Variants in LRRC63 observed in about 807,000 individuals in gnomAD.
LRRC63 encodes the protein leucine-rich repeat-containing protein 63.
LRRC63 carries 40 observed loss-of-function variants against 49.5 expected under a neutral mutation model. That is an observed-to-expected ratio of 0.81 (90% confidence interval 0.63 to 1.05). The LOEUF is 1.05. Among genes scored for constraint, LRRC63 ranks in the 50% least tolerant of loss-of-function variants. The pLI, the probability that LRRC63 is intolerant of heterozygous loss-of-function variation, is 0.00. For missense variants in LRRC63, 636 were observed against 663.1 expected (o/e 0.96, Z 0.45); for synonymous variants, 191 against 221.1 (o/e 0.86, Z 1.21).
intron 2 of LRRC63, among the ~76,000 whole-genome samples, chr13:46,217,526 G>C (rs2046286352): frequency 6.6e-6 from 1 of 151,470 alleles, no homozygotes; most frequent in African/African-American, 2.4e-5. Flanking sequence ...TCTGGCTAGT[G>C]GTCTATTTTG....
intron 7 of LRRC63, among the ~76,000 whole-genome samples, chr13:46,256,244 C>A (rs2047508645): frequency 6.6e-6 from 1 of 152,060 alleles, no homozygotes; most frequent in Non-Finnish European, 1.5e-5. Flanking sequence ...TTAAGAAGGA[C>A]AAAGACAGTA....
At chr13:46,233,181 T>G (rs1012095401) in intron 4 of LRRC63, among the ~76,000 whole-genome samples, 1 of 152,160 alleles carries the variant, frequency 6.6e-6, no homozygotes, top group Non-Finnish European at 1.5e-5. Context: ...TCTTGAGAGA[T>G]CACATCCTCT....
At chr13:46,215,276 T>A (rs1293166299) in intron 2 of LRRC63, among the ~76,000 whole-genome samples, 3 of 152,242 alleles carry the variant, frequency 2.0e-5, no homozygotes, top group South Asian at 4.1e-4. Context: ...CAGCATCTAT[T>A]GTTTCCTGAC....
In LRRC63 at chr13:46,234,310, A is replaced by G. The variant is rs1283111993; in HGVS notation, c.951A>G (p.Val317=). The change falls in exon 5 of 10, where the codon GTA becomes GTG. Residue 317 remains valine (V), a synonymous_variant. Transcript: ENST00000595396. ...CAGCCATGACCAACCTGGCCATAGT[A>G]AACTGTCAAGTATATGGGAGAAATG... 1.9e-6 allele frequency: 3 copies of G among 1,550,152 alleles called. No homozygotes were observed. The African/African-American group carries it at 4.1e-5, about 21-fold the overall frequency.
intron 4 of LRRC63, among the ~76,000 whole-genome samples, chr13:46,231,396 G>C (rs996649538): frequency 7.9e-5 from 12 of 152,188 alleles, no homozygotes; most frequent in Admixed American, 7.9e-4. Flanking sequence ...TTGGCTTTTG[G>C]GGAGGCCTCA....
intron 8 of LRRC63, among the ~76,000 whole-genome samples, chr13:46,266,343 A>G (rs1057006028): frequency 1.3e-5 from 2 of 152,226 alleles, no homozygotes; most frequent in African/African-American, 4.8e-5. Context: ...AAATTTCACT[A>G]TTTTGATTGG....
intron 9 of LRRC63, chr13:46,270,027 A>T: frequency 2.1e-6 from 1 of 472,512 alleles, no homozygotes; most frequent in Non-Finnish European, 3.9e-6. Context: ...CTATACATGC[A>T]TATCTATAAT....
chr13:46,253,257 G>C (rs1299078030), intron 7 of LRRC63, among the ~76,000 whole-genome samples: 1 of 151,910 alleles, frequency 6.6e-6, no homozygotes, highest in Non-Finnish European at 1.5e-5. Context: ...TCTAGTTAGA[G>C]TGAAACAATT....
At chr13:46,224,743 T>C (rs1410430596) in intron 2 of LRRC63, among the ~76,000 whole-genome samples, 1 of 152,234 alleles carries the variant, frequency 6.6e-6, no homozygotes, top group Non-Finnish European at 1.5e-5. Flanking sequence ...TTTCTGAAGA[T>C]GTATCTGTGG....
intron 7 of LRRC63, among the ~76,000 whole-genome samples, chr13:46,255,951 GA>G (rs1829034811): frequency 6.6e-6 from 1 of 152,050 alleles, no homozygotes; most frequent in Non-Finnish European, 1.5e-5. Context: ...TATAAAAGTT[GA>G]TTGATACAAC....
intron 5 of LRRC63, among the ~76,000 whole-genome samples, chr13:46,244,767 C>G (rs2047166384): frequency 6.6e-6 from 1 of 151,894 alleles, no homozygotes; most frequent in South Asian, 2.1e-4. Context: ...GAGACCTTGT[C>G]TCTAAAAAAA....
At chr13:46,261,103 G>A (rs2047606713) in intron 7 of LRRC63, among the ~76,000 whole-genome samples, 1 of 152,148 alleles carries the variant, frequency 6.6e-6, no homozygotes, top group South Asian at 2.1e-4. Flanking sequence ...CAGGGCTTCT[G>A]ACAGCACAAC....
chr13:46,236,322 C>T (rs2046903090), intron 5 of LRRC63, among the ~76,000 whole-genome samples: 1 of 152,034 alleles, frequency 6.6e-6, no homozygotes, highest in Non-Finnish European at 1.5e-5. Flanking sequence ...ATCCAGGAAG[C>T]TCAATCAACT....
At position 46,266,990 on chromosome 13, in the gene LRRC63, C is replaced by A; in HGVS notation, c.1550+18C>A. On this transcript the variant is annotated intron_variant, in intron 9 of 9. Coordinates refer to ENST00000595396, the Ensembl canonical transcript of LRRC63. Reference sequence around the variant, plus strand: ...CTAAAATGGTGAGCAAATGCTGAAGCCCTTTTAACCAAAATATACCTTTAA... The same window carrying A: ...CTAAAATGGTGAGCAAATGCTGAAGACCTTTTAACCAAAATATACCTTTAA... The A allele has an allele frequency of 6.6e-7, 1 of 1,505,062 alleles. No homozygotes were observed. 93.2% of individuals were successfully genotyped at this position (1,505,062 alleles called of 1,614,324 possible).
chr13:46,237,352 A>G (rs762116110), intron 5 of LRRC63, among the ~76,000 whole-genome samples: 1 of 152,164 alleles, frequency 6.6e-6, no homozygotes, highest in Non-Finnish European at 1.5e-5. Context: ...CAAGGTGTGA[A>G]CTATAATGTA....
intron 8 of LRRC63, among the ~76,000 whole-genome samples, chr13:46,263,974 C>A (rs1193493837): frequency 6.6e-6 from 1 of 152,158 alleles, no homozygotes; most frequent in Non-Finnish European, 1.5e-5. Context: ...AATTTTTTCT[C>A]TGAATCTTTA....
intron 5 of LRRC63, among the ~76,000 whole-genome samples, chr13:46,240,781 T>G (rs540317600): frequency 1.2e-4 from 19 of 152,240 alleles, no homozygotes; most frequent in Admixed American, 3.9e-4. Flanking sequence ...ACCAAGGATG[T>G]GAACGATCTC....
chr13:46,221,759 G>A (rs1594010330), intron 2 of LRRC63, among the ~76,000 whole-genome samples: 1 of 149,836 alleles, frequency 6.7e-6, no homozygotes, highest in African/African-American at 2.5e-5. Flanking sequence ...CTACTGGGGA[G>A]TGGGGGTCTG....
At chr13:46,231,726 T>C (rs2046762897) in intron 4 of LRRC63, among the ~76,000 whole-genome samples, 1 of 151,074 alleles carries the variant, frequency 6.6e-6, no homozygotes, top group Non-Finnish European at 1.5e-5. Flanking sequence ...ACCAGACTGG[T>C]CTCAAACTCC....
Sources: gnomAD v4.1 joint callset for allele counts (sites outside exome capture counted in the v4.1 genomes callset) on GRCh38, gnomAD v4.1.1 for gene constraint, MANE v1.5 for transcripts, NCBI Gene and HGNC (gene_info 2026-07-23, HGNC 2026-07-21) for gene names.